BNIP3: variants seen among roughly 807,000 people sequenced by gnomAD.
BNIP3 encodes BCL2 interacting protein 3, also known as BCL2/adenovirus E1B 19 kDa protein-interacting protein 3.
A neutral mutation model predicts 23.9 loss-of-function variants in BNIP3; 16 were observed. That is an observed-to-expected ratio of 0.67 (90% CI 0.45 to 1.01). BNIP3 has a LOEUF of 1.01. Ranked by LOEUF, BNIP3 falls within the 50% of genes least tolerant of loss-of-function variation. The pLI is 0.00. For synonymous variants in BNIP3, 81 were observed against 89.3 expected, an observed-to-expected ratio of 0.91 and a Z score of 0.53; for missense variants, 198 against 248.7, an observed-to-expected ratio of 0.80 and a Z score of 1.37.
chr10:131,974,313 T>C (rs1022337013), intron 1 of BNIP3, among the ~76,000 whole-genome samples: 6 of 152,082 alleles, frequency 3.9e-5, no homozygotes, highest in African/African-American at 1.4e-4. Flanking sequence ...AAGAGGTCTT[T>C]AAAAAAAACA....
At chr10:131,979,384 A>C (rs1309974718) in intron 1 of BNIP3, among the ~76,000 whole-genome samples, 1 of 152,240 alleles carries the variant, frequency 6.6e-6, no homozygotes, top group African/African-American at 2.4e-5. Flanking sequence ...ACCATCTGCC[A>C]GTTGCAGACA....
At chr10:131,978,381 TA>T (rs11484265) in intron 1 of BNIP3, among the ~76,000 whole-genome samples, 1,109 of 134,684 alleles carry the variant, frequency 8.2e-3, no homozygotes, top group Middle Eastern at 0.015. Flanking sequence ...TCACTTTGTG[TA>T]AAAAAAAAAA....
intron 1 of BNIP3, among the ~76,000 whole-genome samples, chr10:131,978,676 AAGCCTAGCCTC>A (rs1465452566): frequency 6.6e-6 from 1 of 152,166 alleles, no homozygotes; most frequent in African/African-American, 2.4e-5. Flanking sequence ...TGTTCTCCAA[AAGCCTAGCCTC>A]AGCCCACTCT....
At position 131,981,918 on chromosome 10, in the gene BNIP3, C is replaced by G. The variant is rs969776570; in HGVS notation, c.-112G>C. 126 of 1,232,678 alleles carry G rather than the reference C, an allele frequency of 1.0e-4. No individual in the cohort carries two copies. The highest frequency in any genetic ancestry group is 2.9e-4 in the Middle Eastern group (1 of 3,440). The allele number at this position is 1,232,678 out of a possible 1,614,324, so 76.4% of individuals were successfully genotyped here. A position where few individuals can be genotyped will look rare whatever the true frequency, so the allele number is the denominator to read the frequency against. On this transcript the variant is annotated 5_prime_UTR_variant, in exon 1 of 6. Transcript: ENST00000368636. ...GAGCGCCGCGGCCCAGCTGCGCTCC[C>G]GGACTGAGCGGAGCCCCGCAGCCCG...
intron 5 of BNIP3, 185 bp from the exon 6 acceptor site, chr10:131,968,754 TTTTGTATTAATTAACTTAG>T: frequency 1.9e-6 from 1 of 522,914 alleles, no homozygotes; most frequent in South Asian, 2.5e-5. Context: ...TCAATATGTA[TTTTGTATTAATTAACTTAG>T]AAAACATCAG....
chr10:131,974,029 A>G (rs2037061950), intron 1 of BNIP3, 86 bp from the exon 2 acceptor site: 8 of 1,550,324 alleles, frequency 5.2e-6, no homozygotes, highest in African/African-American at 1.4e-5. Flanking sequence ...CTGCCCTTCC[A>G]TTTCCAAGAG....
chr10:131,978,369 T>C (rs2037095296), intron 1 of BNIP3, among the ~76,000 whole-genome samples: 1 of 150,324 alleles, frequency 6.7e-6, no homozygotes. Context: ...CATTTCTTAT[T>C]CTCACTTTGT....
intron 3 of BNIP3, chr10:131,971,198 T>A (rs1391282633): frequency 1.8e-6 from 1 of 550,570 alleles, no homozygotes; most frequent in Admixed American, 3.2e-5. Context: ...ACAGATCACC[T>A]CTGGGGGAGC....
chr10:131,973,724 T>G, intron 2 of BNIP3, 69 bp downstream of exon 2: 2 of 1,585,874 alleles, frequency 1.3e-6, no homozygotes, highest in Non-Finnish European at 1.7e-6. Context: ...CACGGGCACT[T>G]CCAGCTGTGA....
intron 1 of BNIP3, among the ~76,000 whole-genome samples, chr10:131,978,315 G>A (rs2037095015): frequency 6.6e-6 from 1 of 151,488 alleles, no homozygotes; most frequent in East Asian, 1.9e-4. Context: ...AAACTGATAG[G>A]TCTGCCTCAG....
Position 131,981,914 on chromosome 10 carries a change from C to A in BNIP3, c.-108G>T. 2 of 1,278,990 alleles carry A rather than the reference C, an allele frequency of 1.6e-6. No individual in the cohort carries two copies. The highest frequency in any genetic ancestry group is 1.6e-5 in the African/African-American group (1 of 63,886). The allele number at this position is 1,278,990 out of a possible 1,614,324, so 79.2% of individuals were successfully genotyped here. On this transcript the variant is annotated 5_prime_UTR_variant, in exon 1 of 6. Transcript: ENST00000368636. ...GTCGGAGCGCCGCGGCCCAGCTGCG[C>A]TCCCGGACTGAGCGGAGCCCCGCAG...
intron 1 of BNIP3, chr10:131,981,164 G>A (rs1296960125): frequency 2.0e-5 from 3 of 152,326 alleles, no homozygotes; most frequent in Non-Finnish European, 4.4e-5. Flanking sequence ...TAACCCGTAA[G>A]TCATTTAAAG....
chr10:131,973,927 C>G lies in BNIP3; in HGVS notation c.63G>C (p.Leu21=). The change falls in exon 2 of 6, where the codon CTG becomes CTC. Residue 21 remains leucine (L), a synonymous_variant. Transcript: ENST00000368636. ...CCCCGTTCCCATTATTGCTGAAGTG[C>G]AGTTCTACCCAGGAGCCTGATGGGG... The part of the protein sequence containing the change: ...EESLQGSWVE[L]HFSNNGNGGS... 1 of 1,613,910 alleles carries G rather than the reference C, an allele frequency of 6.2e-7. No individual in the cohort carries two copies. The highest frequency in any genetic ancestry group is 1.3e-5 in the African/African-American group (1 of 75,046).
rs1181771239 is a variant in BNIP3 at position 131,970,942 on chromosome 10, T to C, written c.311A>G (p.Lys104Arg). 1 of 1,614,046 alleles carries C rather than the reference T, an allele frequency of 6.2e-7. No homozygotes were observed. The highest frequency in any genetic ancestry group is 8.5e-7 in the Non-Finnish European group (1 of 1,180,034). Residue 104 changes from lysine (K) to arginine (R), a missense_variant, in exon 4 of 6, where the codon AAA (lysine) becomes AGA (arginine). Transcript: ENST00000368636. The surrounding 1 kb of genome is among the most constrained non-coding windows in gnomAD (Gnocchi z 4.1). ...TTTCTTCAAGATGCTTTCAACTTCT[T>C]TCCTTCTTTCAATATCATCTTCCTC... The part of the protein sequence containing the change: ...QSEEDDIERR[K>R]EVESILKKNS...
At chr10:131,974,738 G>C (rs994571409) in intron 1 of BNIP3, among the ~76,000 whole-genome samples, 2 of 152,208 alleles carry the variant, frequency 1.3e-5, no homozygotes, top group African/African-American at 4.8e-5. Context: ...CGAGGTTGAA[G>C]ACGGTTTTAC....
At chr10:131,968,680 G>A (rs1229866369) in intron 5 of BNIP3, 111 bp from the exon 6 acceptor site, 5 of 844,400 alleles carry the variant, frequency 5.9e-6, no homozygotes, top group Non-Finnish European at 9.6e-6. Flanking sequence ...GGGGACTGGT[G>A]ATTTTATACC....
Position 131,975,376 on chromosome 10 carries a change from G to A in BNIP3, c.47-1433C>T, listed in dbSNP as rs74808042. ...TTCCTCTGGTAGCGTATGGAGGATG[G>A]AGTGCAGTGGGAGGAAAGTGCAGGC... On this transcript the variant is annotated intron_variant, in intron 1 of 5. Coordinates refer to ENST00000368636, the MANE Select transcript of BNIP3 (RefSeq NM_004052.4). 2.3e-3 allele frequency among the ~76,000 whole-genome samples: 348 copies of A among 152,358 alleles called. 2 individuals carry two copies. Among genetic ancestry groups the A allele is most frequent in the African/African-American group, 7.5e-3 (311 of 41,578 alleles).
At chr10:131,980,027 C>T (rs536164993) in intron 1 of BNIP3, among the ~76,000 whole-genome samples, 239 of 152,360 alleles carry the variant, frequency 1.6e-3, no homozygotes, top group Middle Eastern at 3.4e-3. Context: ...TCCTGCCGCG[C>T]GGACACTCAG....
intron 3 of BNIP3, chr10:131,971,189 C>T (rs556915013): frequency 3.6e-5 from 20 of 563,142 alleles, no homozygotes; most frequent in South Asian, 2.2e-4. Context: ...CCTCCAGGGA[C>T]AGATCACCTC....
Sources: allele counts gnomAD v4.1 joint callset (sites outside exome capture counted in the v4.1 genomes callset), GRCh38; gene constraint gnomAD v4.1.1; non-coding constraint Gnocchi (gnomAD v3.1); transcripts MANE v1.5; gene names NCBI Gene and HGNC (gene_info 2026-07-23, HGNC 2026-07-21).